BID: variants seen among roughly 807,000 people sequenced by gnomAD.
BID encodes the protein BH3 interacting domain death agonist.
BID carries 19 observed loss-of-function variants against 17.4 expected under a neutral mutation model. That is an observed-to-expected ratio of 1.09 (90% CI 0.76 to 1.60). The LOEUF is 1.60. Among genes scored for constraint, BID ranks in the 40% most tolerant of loss-of-function variants. The pLI is 0.00. For missense variants in BID, 226 were observed against 256.0 expected, an observed-to-expected ratio of 0.88 and a Z score of 0.80; for synonymous variants, 108 against 102.8, an observed-to-expected ratio of 1.05 and a Z score of -0.31.
chr22:17,736,762 C>T (rs899377850), intron 5 of BID, among the ~76,000 whole-genome samples: 1 of 151,968 alleles, frequency 6.6e-6, no homozygotes. Flanking sequence ...GCTGCCTCAA[C>T]CTCCATGACG....
intron 2 of BID, among the ~76,000 whole-genome samples, chr22:17,749,752 G>A (rs2061522660): frequency 6.6e-6 from 1 of 152,184 alleles, no homozygotes; most frequent in African/African-American, 2.4e-5. Flanking sequence ...CGACCTCCTG[G>A]CCTCAAGGAA....
At chr22:17,744,308 A>T (rs1410437188) in intron 2 of BID, among the ~76,000 whole-genome samples, 2 of 152,156 alleles carry the variant, frequency 1.3e-5, no homozygotes, top group East Asian at 3.9e-4. Context: ...GGAGCTTCCC[A>T]CTAGGTGAGA....
rs1394528711 is a variant in BID, at chr22:17,769,338, G to A, written c.-59+5043C>T. ...GCTGGGCTCCCTGCTCAGTTGGCCG[G>A]GTTTGGGGCTGGATGTCTGCAGGGG... is the stretch of plus-strand genomic sequence containing the variant. On this transcript the variant is annotated intron_variant, in intron 1 of 5. Coordinates refer to ENST00000622694, the MANE Select transcript of BID (RefSeq NM_001196.4). This position sits in a 1 kb window ranked among gnomAD's most constrained non-coding sequence, Gnocchi z 4.8. 2.0e-5 allele frequency among the ~76,000 whole-genome samples: 3 copies of A among 152,258 alleles called. No homozygotes were observed. Among genetic ancestry groups the A allele is most frequent in the Non-Finnish European group, 2.9e-5 (2 of 68,040 alleles).
intron 3 of BID, 88 bp downstream of exon 3, chr22:17,743,715 G>A: frequency 7.3e-7 from 1 of 1,371,652 alleles, no homozygotes; most frequent in Non-Finnish European, 9.9e-7. Context: ...AGTGATCCCG[G>A]GGGTCCCTTC....
At position 17,738,241 on chromosome 22, in the gene BID, G is replaced by A; in HGVS notation, c.364-12C>T. 1 of 1,606,600 alleles carries A rather than the reference G, an allele frequency of 6.2e-7. No individual in the cohort carries two copies. Among genetic ancestry groups the A allele is most frequent in the Non-Finnish European group, 8.5e-7 (1 of 1,178,878 alleles). The stretch of plus-strand genomic sequence containing the variant: ...TCCCTGTTCCGGTCCTGCACAGAGG[G>A]GCACACAGAACCTGGTTTACTAATA... On this transcript the variant is annotated splice_polypyrimidine_tract_variant and intron_variant, in intron 4 of 5. Coordinates refer to ENST00000622694, the MANE Select transcript of BID (RefSeq NM_001196.4).
chr22:17,739,250 T>G lies in BID; in HGVS notation c.363+99A>C, dbSNP rs529048015. The G allele has an allele frequency of 8.5e-6, 12 of 1,405,552 alleles. No individual in the cohort carries two copies. In the East Asian group the frequency reaches 3.0e-4, roughly 36 times the overall value. 87.1% of individuals were successfully genotyped at this position (1,405,552 alleles called of 1,614,324 possible). A position where few individuals can be genotyped will look rare whatever the true frequency, so the allele number is the denominator to read the frequency against. The stretch of plus-strand genomic sequence containing the variant: ...AGTTCTGGACCTGACAGTCACGAGT[T>G]GAGTGGCCTCACGGGACAGTGGGCT... On this transcript the variant is annotated intron_variant, in intron 4 of 5. Transcript: ENST00000622694.
At chr22:17,753,053 G>A (rs1417049409) in intron 1 of BID, among the ~76,000 whole-genome samples, 4 of 133,346 alleles carry the variant, frequency 3.0e-5, no homozygotes, top group Non-Finnish European at 4.6e-5. Context: ...TGCAAGCTCC[G>A]CCTCCCGGGT....
chr22:17,750,895 T>C (rs2061533573), intron 1 of BID, among the ~76,000 whole-genome samples: 1 of 151,136 alleles, frequency 6.6e-6, no homozygotes, highest in East Asian at 1.9e-4. Context: ...ATTAGCCAGG[T>C]GTGGTGATGC....
chr22:17,773,856 A>AGCCCCAGTAAGCGGCCGC lies in BID; in HGVS notation c.-59+507_-59+524dup, dbSNP rs2061739397. ...TTGCCAGTGCTCTAAGGAGCGGGCG[A>AGCCCCAGTAAGCGGCCGC]GCCCCAGTAAGCGGCCGCTCTGACC... On this transcript the variant is annotated intron_variant, in intron 1 of 5. Coordinates refer to ENST00000622694, the MANE Select transcript of BID (RefSeq NM_001196.4). The surrounding 1 kb of genome is among the most constrained non-coding windows in gnomAD (Gnocchi z 4.4). 1.4e-6 allele frequency: 1 copy of AGCCCCAGTAAGCGGCCGC among 697,450 alleles called. No individual in the cohort carries two copies. Among genetic ancestry groups the AGCCCCAGTAAGCGGCCGC allele is most frequent in the East Asian group, 2.7e-5 (1 of 36,606 alleles). 43.2% of individuals were successfully genotyped at this position (697,450 alleles called of 1,614,324 possible). A position where few individuals can be genotyped will look rare whatever the true frequency, so the allele number is the denominator to read the frequency against.
intron 1 of BID, among the ~76,000 whole-genome samples, chr22:17,767,966 GTAACATGAGTTACAGCAGT>G (rs1294942840): frequency 6.6e-6 from 1 of 152,210 alleles, no homozygotes; most frequent in Non-Finnish European, 1.5e-5. Flanking sequence ...GACACCTACT[GTAACATGAGTTACAGCAGT>G]TAACATGAGT....
intron 1 of BID, among the ~76,000 whole-genome samples, chr22:17,763,253 T>A (rs900916445): frequency 6.6e-6 from 1 of 151,496 alleles, no homozygotes; most frequent in African/African-American, 2.4e-5. Context: ...TTATAACTTT[T>A]TTTTTTTTGA....
At chr22:17,767,333 CAGAATAG>C (rs1422861699) in intron 1 of BID, among the ~76,000 whole-genome samples, 4 of 152,102 alleles carry the variant, frequency 2.6e-5, no homozygotes, top group Non-Finnish European at 5.9e-5. Flanking sequence ...ACGAACCAAT[CAGAATAG>C]AGTTCCTCCA....
At chr22:17,748,238 G>A (rs1404173201) in intron 2 of BID, among the ~76,000 whole-genome samples, 3 of 144,250 alleles carry the variant, frequency 2.1e-5, no homozygotes, top group African/African-American at 7.8e-5. Context: ...GGCCGGGCAC[G>A]GTGGCTCACG....
intron 1 of BID, among the ~76,000 whole-genome samples, chr22:17,768,266 C>T (rs933468890): frequency 6.6e-6 from 1 of 152,218 alleles, no homozygotes; most frequent in Non-Finnish European, 1.5e-5. Context: ...CAGTATGTCT[C>T]AATCAAACGG....
At chr22:17,741,649 AT>A (rs1002228333) in intron 3 of BID, among the ~76,000 whole-genome samples, 1 of 151,104 alleles carries the variant, frequency 6.6e-6, no homozygotes, top group Non-Finnish European at 1.5e-5. Context: ...ATTTTTATAT[AT>A]TTTTTTTAGT....
chr22:17,762,962 C>T (rs534054401), intron 1 of BID, among the ~76,000 whole-genome samples: 14 of 151,816 alleles, frequency 9.2e-5, no homozygotes, highest in African/African-American at 9.7e-5. Context: ...TTACATCCTC[C>T]GCCTCCCAGG....
At chr22:17,736,771 C>T (rs995104384) in intron 5 of BID, among the ~76,000 whole-genome samples, 9 of 151,754 alleles carry the variant, frequency 5.9e-5, no homozygotes, top group Non-Finnish European at 1.0e-4. Flanking sequence ...ACCTCCATGA[C>T]GGCGTGAACT....
intron 2 of BID, among the ~76,000 whole-genome samples, chr22:17,745,782 A>G (rs2061491269): frequency 6.6e-6 from 1 of 152,210 alleles, no homozygotes; most frequent in African/African-American, 2.4e-5. Context: ...CCTGGCCAAC[A>G]TGATGAAACC....
chr22:17,756,133 C>G (rs1346803764), intron 1 of BID, among the ~76,000 whole-genome samples: 1 of 152,214 alleles, frequency 6.6e-6, no homozygotes, highest in Non-Finnish European at 1.5e-5. Flanking sequence ...TCCCAAAGTG[C>G]TGGGATTACA....
Sources: allele counts gnomAD v4.1 joint callset (sites outside exome capture counted in the v4.1 genomes callset), GRCh38; gene constraint gnomAD v4.1.1; non-coding constraint Gnocchi (gnomAD v3.1); transcripts MANE v1.5; gene names NCBI Gene and HGNC (gene_info 2026-07-23, HGNC 2026-07-21).